The following HPSE2 variants were observed in gnomAD, a reference collection of about 807,000 sequenced individuals.
HPSE2 encodes heparanase 2 (inactive), also known as inactive heparanase-2.
In HPSE2, 38 loss-of-function variants were observed where a neutral mutation model predicts 60.5. The observed-to-expected ratio is 0.63, with a 90% CI of 0.48 to 0.82. The LOEUF is 0.82. HPSE2 is among the 40% of genes least tolerant of loss of function. The pLI is 0.00. For missense variants in HPSE2, 713 were observed against 740.4 expected (o/e 0.96, Z 0.43); for synonymous variants, 295 against 293.2 (o/e 1.01, Z -0.06).
At chr10:99,129,207 TG>T (rs2135730899) in intron 3 of HPSE2, among the ~76,000 whole-genome samples, 1 of 152,174 alleles carries the variant, frequency 6.6e-6, no homozygotes, top group African/African-American at 2.4e-5. Flanking sequence ...AATATTTCAC[TG>T]ACAGCACTAG....
intron 3 of HPSE2, among the ~76,000 whole-genome samples, chr10:98,886,970 T>A (rs757464197): frequency 3.4e-4 from 51 of 152,138 alleles, no homozygotes; most frequent in Non-Finnish European, 6.6e-4. Flanking sequence ...TCTTTTGATT[T>A]CTGAAGAAGG....
intron 2 of HPSE2, among the ~76,000 whole-genome samples, chr10:99,216,825 T>C (rs1402709507): frequency 2.0e-5 from 3 of 152,200 alleles, no homozygotes; most frequent in Non-Finnish European, 2.9e-5. Flanking sequence ...ATTTCTCATC[T>C]ATCTGAACTC....
At chr10:99,078,918 G>T (rs1051524356) in intron 3 of HPSE2, among the ~76,000 whole-genome samples, 1 of 152,042 alleles carries the variant, frequency 6.6e-6, no homozygotes, top group Admixed American at 6.6e-5. Flanking sequence ...CCACCCTTAG[G>T]CATCAAGATT....
intron 3 of HPSE2, among the ~76,000 whole-genome samples, chr10:99,075,946 G>A (rs545356879): frequency 6.6e-6 from 1 of 152,200 alleles, no homozygotes; most frequent in African/African-American, 2.4e-5. Context: ...AATACATATA[G>A]TTGGATCTTG....
intron 3 of HPSE2, among the ~76,000 whole-genome samples, chr10:98,920,768 T>C (rs970967222): frequency 6.6e-6 from 1 of 152,244 alleles, no homozygotes; most frequent in Non-Finnish European, 1.5e-5. Flanking sequence ...ATAAGAATTT[T>C]ATTTTCAACT....
intron 3 of HPSE2, among the ~76,000 whole-genome samples, chr10:99,023,243 T>C (rs547432511): frequency 6.6e-6 from 1 of 152,100 alleles, no homozygotes; most frequent in South Asian, 2.1e-4. Flanking sequence ...GCGGTGGCTA[T>C]GGGGTGAGGC....
intron 3 of HPSE2, among the ~76,000 whole-genome samples, chr10:99,016,783 T>C (rs962787862): frequency 1.3e-5 from 2 of 152,120 alleles, no homozygotes; most frequent in Non-Finnish European, 2.9e-5. Context: ...TTTGTGTGTG[T>C]GTGTGTGGCA....
intron 6 of HPSE2, among the ~76,000 whole-genome samples, chr10:98,654,877 A>T (rs553150728): frequency 6.6e-6 from 1 of 152,318 alleles, no homozygotes; most frequent in East Asian, 1.9e-4. Flanking sequence ...TTGCTATATC[A>T]GTAGATGCCA....
chr10:98,814,060 G>A (rs1452904629), intron 3 of HPSE2, among the ~76,000 whole-genome samples: 1 of 152,154 alleles, frequency 6.6e-6, no homozygotes, highest in Non-Finnish European at 1.5e-5. Flanking sequence ...TACCCTGCAA[G>A]TAAGTAGTGG....
chr10:99,108,970 A>T (rs937734639), intron 3 of HPSE2, among the ~76,000 whole-genome samples: 1 of 152,190 alleles, frequency 6.6e-6, no homozygotes, highest in Non-Finnish European at 1.5e-5. Flanking sequence ...CTCTAAGAGT[A>T]CAGCACTTAT....
At chr10:98,545,693 A>T (rs1222476540) in intron 9 of HPSE2, among the ~76,000 whole-genome samples, 2 of 152,092 alleles carry the variant, frequency 1.3e-5, no homozygotes, top group Admixed American at 1.3e-4. Context: ...CCACGCCAAT[A>T]TCATACTGAA....
chr10:98,531,357 C>T (rs1943126161), intron 9 of HPSE2, among the ~76,000 whole-genome samples: 1 of 152,174 alleles, frequency 6.6e-6, no homozygotes, highest in Admixed American at 6.5e-5. Context: ...TATGGTACCC[C>T]TTTCCGATGG....
At chr10:98,934,233 G>A (rs1954725785) in intron 3 of HPSE2, among the ~76,000 whole-genome samples, 2 of 144,028 alleles carry the variant, frequency 1.4e-5, no homozygotes, top group South Asian at 4.2e-4. Flanking sequence ...TATCCAGCTT[G>A]CCATTCTGTG....
chr10:98,693,931 C>T lies in HPSE2; in HGVS notation c.973G>A (p.Gly325Arg), dbSNP rs1948144038. Residue 325 changes from glycine to arginine, a missense_variant, in exon 6 of 12, where the codon GGA becomes AGA. Gly to Arg is a moderately radical substitution (Grantham distance 125, BLOSUM62 -2). Coordinates refer to ENST00000370552, the MANE Select transcript of HPSE2 (RefSeq NM_021828.5). ...CAGGTAACTGCATCTACTGTACTTCCTGCCACCTTCATGAATCTGTAAGGA... is the reference window on the plus strand; with the variant it reads ...CAGGTAACTGCATCTACTGTACTTCTTGCCACCTTCATGAATCTGTAAGGA... ...ALLDGFMKVA[G>R]STVDAVTWQH... is the part of the protein sequence containing the mutation. 2 of 1,612,894 alleles carry T rather than the reference C, an allele frequency of 1.2e-6. No individual in the cohort carries two copies. The highest frequency in any genetic ancestry group is 1.7e-6 in the Non-Finnish European group (2 of 1,178,944).
At chr10:98,663,637 G>A (rs1455803872) in intron 6 of HPSE2, among the ~76,000 whole-genome samples, 1 of 152,144 alleles carries the variant, frequency 6.6e-6, no homozygotes, top group Non-Finnish European at 1.5e-5. Flanking sequence ...GAATGAGAAC[G>A]TAACAACCAC....
At chr10:98,942,387 A>G (rs1955036265) in intron 3 of HPSE2, among the ~76,000 whole-genome samples, 1 of 148,176 alleles carries the variant, frequency 6.7e-6, no homozygotes, top group Non-Finnish European at 1.5e-5. Flanking sequence ...TTTACAAGAA[A>G]AAAACAAACA....
chr10:98,667,184 G>A (rs867627944), intron 6 of HPSE2, among the ~76,000 whole-genome samples: 1 of 152,074 alleles, frequency 6.6e-6, no homozygotes, highest in African/African-American at 2.4e-5. Context: ...TAGAGGAAAT[G>A]GATAAATTCC....
intron 3 of HPSE2, among the ~76,000 whole-genome samples, chr10:98,960,701 C>CTTTTTTTTTTTTTTTTTT: frequency 5.6e-4 from 32 of 57,516 alleles, no homozygotes; most frequent in Non-Finnish European, 6.6e-4. Context: ...ATGTACATTT[C>CTTTTTTTTTTTTTTTTTT]TTTTTTTTTT....
intron 3 of HPSE2, among the ~76,000 whole-genome samples, chr10:98,789,350 T>C (rs1466848999): frequency 6.6e-6 from 1 of 152,164 alleles, no homozygotes; most frequent in Non-Finnish European, 1.5e-5. Flanking sequence ...TAAGAATGAG[T>C]TCCTTGAGAG....
Sources: allele counts gnomAD v4.1 joint callset (sites outside exome capture counted in the v4.1 genomes callset), GRCh38; gene constraint gnomAD v4.1.1; transcripts MANE v1.5; gene names NCBI Gene and HGNC (gene_info 2026-07-23, HGNC 2026-07-21).